Variants in LRP1 observed in about 807,000 individuals in gnomAD.
LRP1 encodes the protein LDL receptor related protein 1.
Under a neutral mutation model 541.5 loss-of-function variants are expected in LRP1, and 51 were observed. That is an observed-to-expected ratio of 0.09 (90% confidence interval 0.08 to 0.12). LRP1 has a LOEUF of 0.12. Ranked by LOEUF, LRP1 falls within the 10% of genes least tolerant of loss-of-function variation. LRP1 has a pLI of 1.00. For synonymous variants in LRP1, 2,219 were observed against 2,470.8 expected (o/e 0.90, Z 3.02); for missense variants, 3,878 against 6,376.2 (o/e 0.61, Z 13.34).
intron 1 of LRP1, among the ~76,000 whole-genome samples, chr12:57,137,569 G>C (rs910673518): frequency 7.9e-5 from 12 of 152,158 alleles, no homozygotes; most frequent in African/African-American, 2.6e-4. Context: ...GACAAGGCAG[G>C]TGGATCACCT....
rs199834508 is a variant in LRP1, at chr12:57,194,586, G to T, written c.8078G>T (p.Arg2693Leu). 1.9e-6 allele frequency: 3 copies of T among 1,612,228 alleles called. No homozygotes were observed. The highest frequency in any genetic ancestry group is 2.5e-6 in the Non-Finnish European group (3 of 1,179,852). ...CTGCCTCGCCCCCCAGGTGTGAAAC[G>T]CCCCAGATGCCCTCTGAATTACTTC... is the stretch of plus-strand genomic sequence containing the variant. ...SDERDCPGVK[R>L]PRCPLNYFAC... Residue 2693 changes from arginine (R) to leucine (L), a missense_variant, in exon 50 of 89, where the codon CGC (arginine) becomes CTC (leucine). Physicochemically the swap from Arg to Leu is moderately radical, Grantham distance 102. This residue lies in a region of LRP1 where 1,100 missense variants were observed against 1,827.4 expected (regional missense o/e 0.60). Coordinates refer to ENST00000243077, the MANE Select transcript of LRP1 (RefSeq NM_002332.3).
chr12:57,191,560 T>C (rs776467720), intron 44 of LRP1, 48 bp downstream of exon 44: 3 of 1,524,466 alleles, frequency 2.0e-6, no homozygotes, highest in South Asian at 1.2e-5. Flanking sequence ...CTGTCGTGCA[T>C]GGACATACAA....
At chr12:57,198,754 G>T in intron 60 of LRP1, 84 bp downstream of exon 60, 1 of 1,326,070 alleles carries the variant, frequency 7.5e-7, no homozygotes, top group Non-Finnish European at 1.0e-6. Context: ...AGTTTTGGGG[G>T]CAAGAGTGGA....
In LRP1 at chr12:57,198,273, G is replaced by A. The variant is rs774079639; in HGVS notation, c.9400G>A (p.Ala3134Thr). ...CATCGAGGTGTCCAAGCTCAATGGG[G>A]CCTATCGGACGGTGCTGGTCAGCTC... ...DTIEVSKLNG[A>T]YRTVLVSSGL... Residue 3134 changes from alanine to threonine, a missense_variant, in exon 59 of 89, where the codon GCC becomes ACC. Transcript: ENST00000243077. 3.7e-6 allele frequency: 6 copies of A among 1,613,830 alleles called. No homozygotes were observed. In the African/African-American group the frequency reaches 8.0e-5, roughly 22 times the overall value.
intron 13 of LRP1, among the ~76,000 whole-genome samples, chr12:57,161,656 A>G (rs909124185): frequency 1.3e-5 from 2 of 152,110 alleles, no homozygotes; most frequent in Non-Finnish European, 2.9e-5. Context: ...AGCACTAGAC[A>G]GCTTGCTCCT....
At position 57,204,159 on chromosome 12, in the gene LRP1, G is replaced by A; in HGVS notation, c.10952-251G>A. ...CCGCTGTGGAACTACACAGCACAGT[G>A]CCCTGCCACATACCAGAGAAGGAGT... On this transcript the variant is annotated intron_variant, in intron 70 of 88. Coordinates refer to ENST00000243077, the MANE Select transcript of LRP1 (RefSeq NM_002332.3). The surrounding 1 kb of genome is among the most constrained non-coding windows in gnomAD (Gnocchi z 5.3). 1 of 433,664 alleles carries A rather than the reference G, an allele frequency of 2.3e-6. No homozygotes were observed. The highest frequency in any genetic ancestry group is 5.1e-5 in the South Asian group (1 of 19,438). The allele number at this position is 433,664 out of a possible 1,614,324, so 26.9% of individuals were successfully genotyped here.
chr12:57,135,642 C>G (rs1186196985), intron 1 of LRP1, among the ~76,000 whole-genome samples: 2 of 152,334 alleles, frequency 1.3e-5, no homozygotes, highest in South Asian at 2.1e-4. Flanking sequence ...GCCAGGCCCT[C>G]GGGAGATGTG....
At chr12:57,159,731 C>T (rs1446363737) in intron 11 of LRP1, 94 bp from the exon 12 acceptor site, 6 of 1,290,018 alleles carry the variant, frequency 4.7e-6, no homozygotes, top group Admixed American at 3.5e-5. Flanking sequence ...GTAGCCCAGA[C>T]TGCTCAAAGG....
At position 57,162,250 on chromosome 12, in the gene LRP1, AAC is replaced by A. The variant is rs2035750365; in HGVS notation, c.2203-65_2203-64del. 3 of 1,323,616 alleles carry A rather than the reference AAC, an allele frequency of 2.3e-6. No individual in the cohort carries two copies. The highest frequency in any genetic ancestry group is 3.3e-6 in the Non-Finnish European group (3 of 918,516). 82.0% of individuals were successfully genotyped at this position (1,323,616 alleles called of 1,614,324 possible). A position where few individuals can be genotyped will look rare whatever the true frequency, so the allele number is the denominator to read the frequency against. The stretch of plus-strand genomic sequence containing the variant: ...AGGACATAGACAAATGAATGTACAA[AAC>A]AGTGATCTCACAGGCCTCCCTCAAT... On this transcript the variant is annotated intron_variant, in intron 13 of 88. Transcript: ENST00000243077. This position sits in a 1 kb window ranked among gnomAD's most constrained non-coding sequence, Gnocchi z 5.2.
chr12:57,129,669 TG>T (rs1158552528), intron 1 of LRP1, among the ~76,000 whole-genome samples: 1 of 152,132 alleles, frequency 6.6e-6, no homozygotes, highest in Non-Finnish European at 1.5e-5. Context: ...AGGGCTGTGT[TG>T]GGGGGCAGAG....
intron 6 of LRP1, among the ~76,000 whole-genome samples, chr12:57,152,482 G>A (rs1013637242): frequency 1.3e-5 from 2 of 152,134 alleles, no homozygotes; most frequent in African/African-American, 4.8e-5. Flanking sequence ...TTGAGACTTC[G>A]ATTTCCTTTG....
Position 57,184,148 on chromosome 12 carries a change from T to A in LRP1, c.5993T>A (p.Phe1998Tyr). 6.2e-7 allele frequency: 1 copy of A among 1,614,060 alleles called. No individual in the cohort carries two copies. The highest frequency in any genetic ancestry group is 8.5e-7 in the Non-Finnish European group (1 of 1,179,984). Residue 1998 changes from phenylalanine to tyrosine, a missense_variant, in exon 37 of 89, where the codon TTC becomes TAC. Around this residue, in one of 13 missense-constraint regions of LRP1, gnomAD observed 394 missense variants for 635.9 expected, o/e 0.62. Transcript: ENST00000243077. This position sits in a 1 kb window ranked among gnomAD's most constrained non-coding sequence, Gnocchi z 7.8. ...VIEVARLNGS[F>Y]RYVVISQGLD... ...GAGGTCGCCCGGCTCAATGGCTCCT[T>A]CCGCTACGTGGTGATCTCCCAGGGT...
chr12:57,209,175 A>C lies in LRP1; in HGVS notation c.12238A>C (p.Ile4080Leu). ...GSIRLNGTDP[I>L]VAADSKRGLS... ...CATCCGGCTCAATGGCACGGACCCC[A>C]TTGTGGCTGCTGACAGCAAACGAGG... is the stretch of plus-strand genomic sequence containing the variant. The change falls in exon 79 of 89, where the codon ATT becomes CTT. Residue 4080 changes from isoleucine to leucine, a missense_variant. Physicochemically the swap from Ile to Leu is conservative, Grantham distance 5. Around this residue, in one of 13 missense-constraint regions of LRP1, gnomAD observed 871 missense variants for 1,212.4 expected, o/e 0.72. Coordinates refer to ENST00000243077, the MANE Select transcript of LRP1 (RefSeq NM_002332.3). The C allele has an allele frequency of 6.2e-7, 1 of 1,613,908 alleles. No individual in the cohort carries two copies. Among genetic ancestry groups the C allele is most frequent in the South Asian group, 1.1e-5 (1 of 91,078 alleles).
Position 57,204,784 on chromosome 12 carries a change from C to T in LRP1, c.11194+35C>T, listed in dbSNP as rs35169508. On this transcript the variant is annotated intron_variant, in intron 72 of 88. Transcript: ENST00000243077. The surrounding 1 kb of genome is among the most constrained non-coding windows in gnomAD (Gnocchi z 5.3). ...GGGCCGACGAGAGGCCTGCAGGGGA[C>T]GGGTAGTGCACAGTGGGGTGAGTCT... 15,385 of 1,611,844 alleles carry T rather than the reference C, an allele frequency of 9.5e-3. 116 individuals carry two copies. The highest frequency in any genetic ancestry group is 9.6e-3 in the Non-Finnish European group (11,291 of 1,178,826).
At chr12:57,176,349 C>T (rs1015927197) in intron 24 of LRP1, among the ~76,000 whole-genome samples, 39 of 152,360 alleles carry the variant, frequency 2.6e-4, no homozygotes, top group African/African-American at 8.9e-4. Context: ...GCCTGGAGCT[C>T]TGCTCCCCAG....
At position 57,187,371 on chromosome 12, in the gene LRP1, C is replaced by T. The variant is rs1185017089; in HGVS notation, c.6946C>T (p.Arg2316Cys). ...CACGCGCCACACAGTGGACCAGACC[C>T]GCCCAGGGGCCTTCGAGCGTGAGAC... ...TITRHTVDQT[R>C]PGAFERETVI... The change falls in exon 42 of 89, where the codon CGC (arginine) becomes TGC (cysteine). Residue 2316 changes from arginine to cysteine, a missense_variant. Physicochemically the swap from Arg to Cys is radical, Grantham distance 180. This residue lies in a region of LRP1 where 1,100 missense variants were observed against 1,827.4 expected (regional missense o/e 0.60). Coordinates refer to ENST00000243077, the MANE Select transcript of LRP1 (RefSeq NM_002332.3). 4 of 1,614,196 alleles carry T rather than the reference C, an allele frequency of 2.5e-6. No homozygotes were observed. Among genetic ancestry groups the T allele is most frequent in the Non-Finnish European group, 3.4e-6 (4 of 1,180,036 alleles).
chr12:57,211,789 C>T lies in LRP1; in HGVS notation c.13233C>T (p.His4411=), dbSNP rs370948569. The change falls in exon 86 of 89, where the codon CAC becomes CAT. Residue 4411 remains histidine, a synonymous_variant. Transcript: ENST00000243077. This position sits in a 1 kb window ranked among gnomAD's most constrained non-coding sequence, Gnocchi z 4.3. ...TGACAGGGCCCCGGTGTGAGGAGCA[C>T]GTCTTCAGCCAGCAGCAGCCAGGAC... is the stretch of plus-strand genomic sequence containing the variant. The part of the protein sequence containing the change: ...PHMTGPRCEE[H]VFSQQQPGHI... 1.8e-5 allele frequency: 29 copies of T among 1,612,740 alleles called. No homozygotes were observed. Among genetic ancestry groups the T allele is most frequent in the African/African-American group, 1.5e-4 (11 of 74,904 alleles).
At position 57,161,091 on chromosome 12, in the gene LRP1, A is replaced by G. The variant is rs773463379; in HGVS notation, c.2178A>G (p.Ile726Met). 2 of 1,613,408 alleles carry G rather than the reference A, an allele frequency of 1.2e-6. No homozygotes were observed. The highest frequency in any genetic ancestry group is 2.2e-5 in the East Asian group (1 of 44,874). Residue 726 changes from isoleucine (I) to methionine (M), a missense_variant, in exon 13 of 89, where the codon ATA (isoleucine) becomes ATG (methionine). This residue lies in a region of LRP1 where 496 missense variants were observed against 861.0 expected (regional missense o/e 0.58). Transcript: ENST00000243077. ...VDAFYDRIET[I>M]LLNGTDRKIV... ...CCTTCTACGACCGCATCGAGACGAT[A>G]CTGCTCAATGGCACAGACCGGAAGG...
intron 77 of LRP1, 157 bp downstream of exon 77, chr12:57,208,373 G>A: frequency 1.3e-6 from 1 of 787,258 alleles, no homozygotes; most frequent in South Asian, 1.8e-5. Flanking sequence ...ACCCCTGCCT[G>A]GCCCTCCCCA....
Sources: gnomAD v4.1 joint callset for allele counts (sites outside exome capture counted in the v4.1 genomes callset) on GRCh38, gnomAD v4.1.1 for gene constraint, gnomAD v4.1.1 regional missense constraint, Gnocchi (gnomAD v3.1) non-coding constraint, MANE v1.5 for transcripts, NCBI Gene and HGNC (gene_info 2026-07-23, HGNC 2026-07-21) for gene names.